Variants in WDR19 observed in about 807,000 individuals in gnomAD.
WDR19 encodes the protein WD repeat-containing protein 19.
A neutral mutation model predicts 180.0 loss-of-function variants in WDR19; 121 were observed. The ratio of observed to expected loss-of-function variants is 0.67; its 90% confidence interval spans 0.58 to 0.78. The LOEUF (loss-of-function observed/expected upper bound fraction) is 0.78, where lower values mean the gene tolerates loss of function less well. Among genes scored for constraint, WDR19 ranks in the 30% least tolerant of loss-of-function variants. The pLI is 0.00. For missense variants in WDR19, 1,450 were observed against 1,640.7 expected (o/e 0.88, Z 2.01); for synonymous variants, 497 against 540.7 (o/e 0.92, Z 1.12).
chr4:39,270,239 C>T (rs1735218985), intron 31 of WDR19, 139 bp downstream of exon 31: 2 of 1,206,748 alleles, frequency 1.7e-6, no homozygotes, highest in Non-Finnish European at 2.3e-6. Flanking sequence ...AGATACAGAA[C>T]ATATCTACAA....
At chr4:39,182,761 A>T (rs1454642293) in intron 1 of WDR19, among the ~76,000 whole-genome samples, 198 bp downstream of exon 1, 1 of 151,980 alleles carries the variant, frequency 6.6e-6, no homozygotes, top group Non-Finnish European at 1.5e-5. Context: ...GGAGGAGAGG[A>T]GAGGGCGGAG....
rs536042298 is a variant in WDR19 at position 39,215,329 on chromosome 4, T to C, written c.962-512T>C. Among the ~76,000 whole-genome samples, 44 of 146,798 alleles carry C rather than the reference T, an allele frequency of 3.0e-4. No homozygotes were observed. The East Asian group carries it at 4.1e-3, about 14-fold the overall frequency. ...TCTTTCTTTCTTTCTTTCTTTCTTT[T>C]TTTTTGAGACAGCGTCTTGTTTTGT... On this transcript the variant is annotated intron_variant, in intron 10 of 36. Coordinates refer to ENST00000399820, the MANE Select transcript of WDR19 (RefSeq NM_025132.4).
intron 28 of WDR19, among the ~76,000 whole-genome samples, chr4:39,264,989 C>T (rs552058966): frequency 6.7e-6 from 1 of 150,190 alleles, no homozygotes; most frequent in East Asian, 2.0e-4. Flanking sequence ...GGGATGTCGG[C>T]TCACTGCAAC....
intron 5 of WDR19, chr4:39,194,922 T>C (rs576471829): frequency 5.0e-6 from 2 of 399,920 alleles, no homozygotes; most frequent in Admixed American, 4.1e-5. Flanking sequence ...TGGCTTCCAT[T>C]TGTCCTTTCC....
chr4:39,281,230 T>TAGAGAGAGAG (rs796659495), intron 36 of WDR19, among the ~76,000 whole-genome samples: 38 of 97,144 alleles, frequency 3.9e-4, no homozygotes, highest in Middle Eastern at 4.5e-3. Flanking sequence ...TATATATATA[T>TAGAGAGAGAG]ATATATAGAG....
At chr4:39,235,802 C>T (rs1050889099) in intron 20 of WDR19, among the ~76,000 whole-genome samples, 1 of 151,690 alleles carries the variant, frequency 6.6e-6, no homozygotes. Context: ...AAAAAAATAA[C>T]CTATTAAAAA....
intron 24 of WDR19, among the ~76,000 whole-genome samples, chr4:39,249,758 A>G (rs1732944430): frequency 6.6e-6 from 1 of 152,222 alleles, no homozygotes; most frequent in Non-Finnish European, 1.5e-5. Context: ...AAATGGATAA[A>G]TTCCTCGACA....
intron 1 of WDR19, among the ~76,000 whole-genome samples, chr4:39,184,742 C>G (rs747603118): frequency 6.6e-6 from 1 of 152,170 alleles, no homozygotes; most frequent in African/African-American, 2.4e-5. Context: ...TCCCGTGTAA[C>G]AGTATCTAAA....
rs1446804890 is a variant in WDR19 at position 39,277,142 on chromosome 4, C to CA, written c.3840dup (p.Gly1281ArgfsTer8). The stretch of plus-strand genomic sequence containing the variant: ...AACAGTATCCCATATTGCATTGCAA[C>CA]AGTGAGTTCCTTTATAGTAATTTCC... On this transcript the variant is annotated frameshift_variant and splice_region_variant, in exon 34 of 37. Coordinates refer to ENST00000399820, the MANE Select transcript of WDR19 (RefSeq NM_025132.4). LOFTEE classifies it high-confidence loss of function. 1 of 1,602,676 alleles carries CA rather than the reference C, an allele frequency of 6.2e-7. No individual in the cohort carries two copies. The highest frequency in any genetic ancestry group is 8.5e-7 in the Non-Finnish European group (1 of 1,175,536).
intron 21 of WDR19, among the ~76,000 whole-genome samples, chr4:39,240,721 G>A (rs1194848868): frequency 6.6e-6 from 1 of 152,058 alleles, no homozygotes; most frequent in Non-Finnish European, 1.5e-5. Context: ...GGAGGCCAAG[G>A]TGGGCGGATC....
intron 9 of WDR19, among the ~76,000 whole-genome samples, chr4:39,209,329 A>G (rs1383820100): frequency 6.6e-6 from 1 of 152,206 alleles, no homozygotes; most frequent in African/African-American, 2.4e-5. Context: ...CGTGGGAGGC[A>G]GCTAAAGCAG....
chr4:39,217,243 A>G lies in WDR19; in HGVS notation c.1356+3A>G, dbSNP rs777159093. On this transcript the variant is annotated splice_donor_region_variant and intron_variant, in intron 13 of 36. Transcript: ENST00000399820. ...AAGGCAAAGTCCAGTTACATTTGGTAAGTATAATTTTGATGTCCTGGAGAC... is the reference window on the plus strand; with the variant it reads ...AAGGCAAAGTCCAGTTACATTTGGTGAGTATAATTTTGATGTCCTGGAGAC... 1.3e-6 allele frequency: 2 copies of G among 1,585,828 alleles called. No individual in the cohort carries two copies. Among genetic ancestry groups the G allele is most frequent in the East Asian group, 2.3e-5 (1 of 44,120 alleles).
At chr4:39,231,405 G>A (rs1245221653) in intron 17 of WDR19, among the ~76,000 whole-genome samples, 1 of 151,606 alleles carries the variant, frequency 6.6e-6, no homozygotes, top group Non-Finnish European at 1.5e-5. Flanking sequence ...ACTAGATTTG[G>A]CCCATAAGCC....
At chr4:39,215,149 C>T (rs1315500015) in intron 10 of WDR19, among the ~76,000 whole-genome samples, 1 of 152,084 alleles carries the variant, frequency 6.6e-6, no homozygotes, top group African/African-American at 2.4e-5. Context: ...TGTCATACTG[C>T]TTGACTAGAA....
At chr4:39,191,196 A>G (rs918978182) in intron 4 of WDR19, among the ~76,000 whole-genome samples, 1 of 152,258 alleles carries the variant, frequency 6.6e-6, no homozygotes, top group East Asian at 1.9e-4. Flanking sequence ...TTTTGTATAT[A>G]CAAAAGCATA....
At position 39,270,110 on chromosome 4, in the gene WDR19, A is replaced by G. The variant is rs760725628; in HGVS notation, c.3483+10A>G. The G allele has an allele frequency of 8.7e-6, 14 of 1,613,162 alleles. 1 individual carries two copies. The highest frequency in any genetic ancestry group is 7.6e-6 in the Non-Finnish European group (9 of 1,179,598). On this transcript the variant is annotated intron_variant, in intron 31 of 36. Transcript: ENST00000399820. ...CTATATACTAGTAAAGGTGAGGCCC[A>G]TGGAGTGACTTGGGACATAACCTGC...
chr4:39,231,855 T>C lies in WDR19; in HGVS notation c.2041T>C (p.Leu681=). ...GAATGATGAGGCTGCCTGGAATGAG[T>C]TGGCCAGAGCTTGTCTACATCACAT... ...ILNDEAAWNE[L]ARACLHHMEV... is the part of the protein sequence containing the mutation. Residue 681 remains leucine, a synonymous_variant, in exon 18 of 37, where the codon TTG becomes CTG. Transcript: ENST00000399820. 6.2e-7 allele frequency: 1 copy of C among 1,608,764 alleles called. No individual in the cohort carries two copies. Among genetic ancestry groups the C allele is most frequent in the Non-Finnish European group, 8.5e-7 (1 of 1,175,898 alleles).
At chr4:39,200,103 C>T (rs1727216743) in intron 6 of WDR19, among the ~76,000 whole-genome samples, 1 of 152,168 alleles carries the variant, frequency 6.6e-6, no homozygotes, top group Non-Finnish European at 1.5e-5. Context: ...TTTGTATCGC[C>T]AGTAGCTACA....
intron 1 of WDR19, among the ~76,000 whole-genome samples, chr4:39,183,450 C>T (rs112445369): frequency 0.055 from 8,376 of 151,888 alleles, 307 homozygotes; most frequent in Non-Finnish European, 0.08. Flanking sequence ...GGGGTTTCAC[C>T]GTGTTAGCCA....
Sources: allele counts gnomAD v4.1 joint callset (sites outside exome capture counted in the v4.1 genomes callset), GRCh38; gene constraint gnomAD v4.1.1; transcripts MANE v1.5; gene names NCBI Gene and HGNC (gene_info 2026-07-23, HGNC 2026-07-21).